The following AKT3 variants were observed in gnomAD, a reference collection of about 807,000 sequenced individuals.
AKT3 encodes AKT serine/threonine kinase 3, also known as RAC-gamma serine/threonine-protein kinase.
A neutral mutation model predicts 65.3 loss-of-function variants in AKT3; 15 were observed. The observed-to-expected ratio is 0.23, with a 90% confidence interval of 0.15 to 0.35. The LOEUF (loss-of-function observed/expected upper bound fraction) is 0.35. Ranked by LOEUF, AKT3 falls within the 10% of genes least tolerant of loss-of-function variation. The pLI, the probability that AKT3 is intolerant of heterozygous loss-of-function variation, is 1.00. For synonymous variants in AKT3, 206 were observed against 183.8 expected (o/e 1.12, Z -0.98); for missense variants, 243 against 576.5 (o/e 0.42, Z 5.92).
intron 4 of AKT3, among the ~76,000 whole-genome samples, chr1:243,660,665 C>T (rs1199029294): frequency 6.6e-6 from 1 of 152,198 alleles, no homozygotes; most frequent in Non-Finnish European, 1.5e-5. Flanking sequence ...CAGGGATGCC[C>T]TCTCTCACCA....
Position 243,610,946 on chromosome 1 carries a change from C to T in AKT3, c.696+2725G>A, listed in dbSNP as rs556049869. ...TAACTTTATTTAAGCAGACTCCTTA[C>T]GAATGCTCATTTAAAATGCTACAAT... is the stretch of plus-strand genomic sequence containing the variant. On this transcript the variant is annotated intron_variant, in intron 8 of 13. Coordinates refer to ENST00000673466, the MANE Select transcript of AKT3 (RefSeq NM_005465.7). Among the ~76,000 whole-genome samples, 6 of 152,218 alleles carry T rather than the reference C, an allele frequency of 3.9e-5. No homozygotes were observed. In the South Asian group the frequency reaches 1.0e-3, roughly 26 times the overall value.
chr1:243,670,626 G>A lies in AKT3; in HGVS notation c.173-5743C>T, dbSNP rs541122045. 8.5e-5 allele frequency among the ~76,000 whole-genome samples: 13 copies of A among 152,206 alleles called. No homozygotes were observed. The East Asian group carries it at 1.5e-3, about 18-fold the overall frequency. On this transcript the variant is annotated intron_variant, in intron 3 of 13. Transcript: ENST00000673466. Reference sequence around the variant, plus strand: ...AGCTATTAACCAAATGATTATCTACGATTTTTAGAATCATTTAATATGCAT... The same window carrying A: ...AGCTATTAACCAAATGATTATCTACAATTTTTAGAATCATTTAATATGCAT...
At chr1:243,825,257 G>A (rs1479599289) in intron 2 of AKT3, among the ~76,000 whole-genome samples, 1 of 152,122 alleles carries the variant, frequency 6.6e-6, no homozygotes, top group East Asian at 1.9e-4. Flanking sequence ...TGTCAGGGAT[G>A]AGGGGAGAAA....
chr1:243,531,953 C>G (rs1222055900), intron 12 of AKT3, among the ~76,000 whole-genome samples: 1 of 152,158 alleles, frequency 6.6e-6, no homozygotes, highest in Non-Finnish European at 1.5e-5. Context: ...TTCTAGCTTG[C>G]TTTTGCATCC....
At chr1:243,598,635 G>A (rs907300330) in intron 8 of AKT3, among the ~76,000 whole-genome samples, 5 of 152,104 alleles carry the variant, frequency 3.3e-5, no homozygotes, top group South Asian at 2.1e-4. Flanking sequence ...CTACAGCCGT[G>A]CCCTAAAGTC....
chr1:243,618,913 A>G (rs932099632), intron 6 of AKT3, among the ~76,000 whole-genome samples: 1 of 152,104 alleles, frequency 6.6e-6, no homozygotes, highest in African/African-American at 2.4e-5. Context: ...TTCTACCCTT[A>G]ATGATCAAGA....
At chr1:243,792,900 T>C (rs1294242177) in intron 2 of AKT3, among the ~76,000 whole-genome samples, 2 of 152,228 alleles carry the variant, frequency 1.3e-5, no homozygotes, top group African/African-American at 2.4e-5. Context: ...AGTAAATGTA[T>C]CACAAGCCTC....
At chr1:243,812,376 A>C (rs768774238) in intron 2 of AKT3, among the ~76,000 whole-genome samples, 2 of 152,218 alleles carry the variant, frequency 1.3e-5, no homozygotes, top group Non-Finnish European at 2.9e-5. Context: ...ATGAACAGAC[A>C]CTTCTCAAAA....
At chr1:243,779,480 A>G (rs1376459213) in intron 2 of AKT3, among the ~76,000 whole-genome samples, 1 of 152,112 alleles carries the variant, frequency 6.6e-6, no homozygotes, top group Non-Finnish European at 1.5e-5. Flanking sequence ...AACAGATCAA[A>G]AAGAAACAGG....
intron 8 of AKT3, among the ~76,000 whole-genome samples, chr1:243,585,664 T>C (rs546087149): frequency 6.6e-6 from 1 of 152,256 alleles, no homozygotes; most frequent in East Asian, 1.9e-4. Flanking sequence ...CAATATATGG[T>C]GCTTCGACAG....
intron 2 of AKT3, among the ~76,000 whole-genome samples, chr1:243,820,462 G>A (rs1693791564): frequency 6.6e-6 from 1 of 152,220 alleles, no homozygotes; most frequent in Admixed American, 6.5e-5. Flanking sequence ...TAGATGAACT[G>A]ACAGAAGTAG....
chr1:243,659,878 T>C (rs1682145073), intron 4 of AKT3, among the ~76,000 whole-genome samples: 1 of 152,352 alleles, frequency 6.6e-6, no homozygotes. Context: ...TAGATTCAGT[T>C]TGCCACTATT....
At chr1:243,696,792 T>C (rs952644073) in intron 2 of AKT3, among the ~76,000 whole-genome samples, 1 of 152,004 alleles carries the variant, frequency 6.6e-6, no homozygotes, top group Non-Finnish European at 1.5e-5. Context: ...CTTCTGTTAA[T>C]ACTGTTTTTC....
At chr1:243,798,203 G>A (rs1692147436) in intron 2 of AKT3, among the ~76,000 whole-genome samples, 1 of 118,550 alleles carries the variant, frequency 8.4e-6, no homozygotes, top group South Asian at 2.7e-4. Context: ...CACTGTGCCA[G>A]GCCCTTTTTT....
At chr1:243,799,858 T>A (rs548255810) in intron 2 of AKT3, among the ~76,000 whole-genome samples, 1 of 152,214 alleles carries the variant, frequency 6.6e-6, no homozygotes, top group African/African-American at 2.4e-5. Context: ...AAAGGAAAAC[T>A]ATCTAGCACT....
intron 2 of AKT3, among the ~76,000 whole-genome samples, chr1:243,790,735 G>A (rs1000386273): frequency 2.6e-5 from 4 of 152,128 alleles, no homozygotes; most frequent in Non-Finnish European, 2.9e-5. Context: ...CCAGAGAGAC[G>A]TGTGATTGTT....
At chr1:243,639,108 G>A (rs1680189099) in intron 5 of AKT3, among the ~76,000 whole-genome samples, 1 of 152,120 alleles carries the variant, frequency 6.6e-6, no homozygotes, top group Admixed American at 6.6e-5. Context: ...ATGGCATTTT[G>A]ACAATAAAAT....
intron 4 of AKT3, among the ~76,000 whole-genome samples, chr1:243,656,128 T>C (rs1681773073): frequency 6.6e-6 from 1 of 151,776 alleles, no homozygotes; most frequent in African/African-American, 2.4e-5. Flanking sequence ...GGGTAATTCC[T>C]GCAAAAAAGT....
intron 12 of AKT3, among the ~76,000 whole-genome samples, chr1:243,516,893 T>A (rs1670394823): frequency 1.3e-5 from 2 of 152,232 alleles, no homozygotes; most frequent in Admixed American, 1.3e-4. Context: ...CAGTCCTAGT[T>A]TCTTAAGATA....
Sources: allele counts gnomAD v4.1 joint callset (sites outside exome capture counted in the v4.1 genomes callset), GRCh38; gene constraint gnomAD v4.1.1; transcripts MANE v1.5; gene names NCBI Gene and HGNC (gene_info 2026-07-23, HGNC 2026-07-21).